KCNB2: variants seen among roughly 807,000 people sequenced by gnomAD.
KCNB2 encodes delayed rectifier potassium channel protein.
Under a neutral mutation model 61.5 loss-of-function variants are expected in KCNB2, and 15 were observed. The ratio of observed to expected loss-of-function variants is 0.24; its 90% confidence interval spans 0.16 to 0.38. The LOEUF (loss-of-function observed/expected upper bound fraction) is 0.38, where lower values mean the gene tolerates loss of function less well. Ranked by LOEUF, KCNB2 falls within the 10% of genes least tolerant of loss-of-function variation. The probability of loss-of-function intolerance (pLI) is 1.00; values close to 1 mark genes in which losing one functional copy is unlikely to be tolerated. For synonymous variants in KCNB2, 457 were observed against 446.0 expected, an observed-to-expected ratio of 1.02 and a Z score of -0.31; for missense variants, 828 against 1,125.2, an observed-to-expected ratio of 0.74 and a Z score of 3.78.
chr8:72,722,650 G>A (rs1807570921), intron 2 of KCNB2, among the ~76,000 whole-genome samples: 1 of 152,180 alleles, frequency 6.6e-6, no homozygotes, highest in South Asian at 2.1e-4. Context: ...GACAGTAAAT[G>A]CTGATTAAAT....
chr8:72,796,885 C>CG (rs1809039637), intron 2 of KCNB2, among the ~76,000 whole-genome samples: 2 of 152,096 alleles, frequency 1.3e-5, no homozygotes, highest in African/African-American at 2.4e-5. Flanking sequence ...AATTTTAGTT[C>CG]CATTTTGCAG....
intron 2 of KCNB2, among the ~76,000 whole-genome samples, chr8:72,893,076 G>A (rs1805926984): frequency 1.3e-5 from 2 of 151,296 alleles, no homozygotes; most frequent in Non-Finnish European, 2.9e-5. Flanking sequence ...ACTGGTAAAA[G>A]GAAGGAGGTT....
intron 2 of KCNB2, among the ~76,000 whole-genome samples, chr8:72,621,616 G>T (rs1455950810): frequency 2.0e-5 from 3 of 152,144 alleles, no homozygotes; most frequent in African/African-American, 7.2e-5. Context: ...TTGGATACAG[G>T]CATGCAGTGT....
intron 2 of KCNB2, among the ~76,000 whole-genome samples, chr8:72,653,466 T>C (rs1188281854): frequency 2.0e-5 from 3 of 151,316 alleles, no homozygotes; most frequent in African/African-American, 7.3e-5. Context: ...ATTTTTTTTG[T>C]GACACTTTGA....
chr8:72,628,617 A>G (rs1805831761), intron 2 of KCNB2, among the ~76,000 whole-genome samples: 1 of 152,200 alleles, frequency 6.6e-6, no homozygotes, highest in African/African-American at 2.4e-5. Context: ...TTCATCCTTT[A>G]TTAAGGTTGG....
At chr8:72,565,059 T>G (rs886078874) in intron 1 of KCNB2, among the ~76,000 whole-genome samples, 1 of 152,144 alleles carries the variant, frequency 6.6e-6, no homozygotes, top group Non-Finnish European at 1.5e-5. Flanking sequence ...CCCAGAGAAT[T>G]TAAGTTGCTT....
chr8:72,872,432 T>C (rs982060595), intron 2 of KCNB2, among the ~76,000 whole-genome samples: 8 of 152,188 alleles, frequency 5.3e-5, no homozygotes, highest in Admixed American at 3.9e-4. Context: ...CCCTTCCCCA[T>C]CACTTCTAAT....
intron 2 of KCNB2, among the ~76,000 whole-genome samples, chr8:72,665,530 A>T (rs1310352238): frequency 7.4e-6 from 1 of 135,568 alleles, no homozygotes; most frequent in Non-Finnish European, 1.6e-5. Context: ...AATCAACATT[A>T]TAAATAACAT....
chr8:72,667,945 G>C (rs1046795709), intron 2 of KCNB2, among the ~76,000 whole-genome samples: 4 of 152,160 alleles, frequency 2.6e-5, no homozygotes, highest in Non-Finnish European at 5.9e-5. Flanking sequence ...GACTGTGTTG[G>C]GGGTCCCCAA....
At chr8:72,815,570 T>C (rs1467148999) in intron 2 of KCNB2, among the ~76,000 whole-genome samples, 2 of 152,112 alleles carry the variant, frequency 1.3e-5, no homozygotes, top group African/African-American at 2.4e-5. Context: ...CAATAAATAT[T>C]TGCTGAATAA....
intron 2 of KCNB2, among the ~76,000 whole-genome samples, chr8:72,716,914 C>T (rs1345424775): frequency 6.6e-6 from 1 of 152,162 alleles, no homozygotes; most frequent in African/African-American, 2.4e-5. Flanking sequence ...CTAGAAAACC[C>T]CATTGTCTCA....
At chr8:72,667,706 C>T (rs371996156) in intron 2 of KCNB2, among the ~76,000 whole-genome samples, 1 of 152,164 alleles carries the variant, frequency 6.6e-6, no homozygotes, top group African/African-American at 2.4e-5. Flanking sequence ...TCATCTCCTG[C>T]GTGGCTCCCT....
intron 2 of KCNB2, among the ~76,000 whole-genome samples, chr8:72,733,095 C>G (rs2128993673): frequency 6.6e-6 from 1 of 151,974 alleles, no homozygotes; most frequent in South Asian, 2.1e-4. Context: ...GAAAGTAGAA[C>G]AGAAGGAGGG....
At chr8:72,919,708 T>C (rs1400279826) in intron 2 of KCNB2, among the ~76,000 whole-genome samples, 1 of 152,206 alleles carries the variant, frequency 6.6e-6, no homozygotes, top group Non-Finnish European at 1.5e-5. Context: ...TATTTTAAAC[T>C]TCTACATAGG....
chr8:72,887,824 G>A (rs1805830913), intron 2 of KCNB2, among the ~76,000 whole-genome samples: 1 of 152,112 alleles, frequency 6.6e-6, no homozygotes, highest in African/African-American at 2.4e-5. Flanking sequence ...TGGAAGCCAG[G>A]GCCCTACACT....
chr8:72,692,129 G>A (rs532125771), intron 2 of KCNB2, among the ~76,000 whole-genome samples: 30 of 151,284 alleles, frequency 2.0e-4, no homozygotes, highest in African/African-American at 6.3e-4. Context: ...CCAACTACTC[G>A]GGAGGCTGAG....
chr8:72,592,516 T>TA (rs889771733), intron 2 of KCNB2, among the ~76,000 whole-genome samples: 1 of 151,932 alleles, frequency 6.6e-6, no homozygotes, highest in Non-Finnish European at 1.5e-5. Flanking sequence ...TACCTAAAAT[T>TA]ATGTTGTCTT....
At chr8:72,882,556 A>AGAGAGAGAGAGAGAGAGAGAGAGAG (rs10691208) in intron 2 of KCNB2, among the ~76,000 whole-genome samples, 80 of 142,776 alleles carry the variant, frequency 5.6e-4, no homozygotes, top group Admixed American at 8.4e-4. Flanking sequence ...AGAGAGAGAG[A>AGAGAGAGAGAGAGAGAGAGAGAGAG]ATGTGTGTCT....
intron 2 of KCNB2, among the ~76,000 whole-genome samples, chr8:72,600,701 G>A (rs1490771704): frequency 6.6e-6 from 1 of 152,094 alleles, no homozygotes; most frequent in East Asian, 1.9e-4. Flanking sequence ...CATGGATGGA[G>A]CTGGAGACTA....
Sources: gnomAD v4.1 joint callset for allele counts (sites outside exome capture counted in the v4.1 genomes callset) on GRCh38, gnomAD v4.1.1 for gene constraint, MANE v1.5 for transcripts, NCBI Gene and HGNC (gene_info 2026-07-23, HGNC 2026-07-21) for gene names.